The following LARP1B variants were observed in gnomAD, a reference collection of about 807,000 sequenced individuals.
LARP1B encodes the protein La ribonucleoprotein 1B, also known as la-related protein 1B.
LARP1B carries 76 observed loss-of-function variants against 114.2 expected under a neutral mutation model. The ratio of observed to expected loss-of-function variants is 0.67; its 90% CI spans 0.55 to 0.81. The LOEUF is 0.81. Among genes scored for constraint, LARP1B ranks in the 30% least tolerant of loss-of-function variants. LARP1B has a pLI of 0.00. For missense variants in LARP1B, 1,014 were observed against 1,075.8 expected, an observed-to-expected ratio of 0.94 and a Z score of 0.80; for synonymous variants, 345 against 348.0, an observed-to-expected ratio of 0.99 and a Z score of 0.10.
rs552796877 is a variant in LARP1B, at chr4:128,114,962, G to A, written c.1161+220G>A. Among the ~76,000 whole-genome samples the A allele has an allele frequency of 3.3e-5, 5 of 151,772 alleles. No homozygotes were observed. In the South Asian group the frequency reaches 1.0e-3, roughly 32 times the overall value. On this transcript the variant is annotated intron_variant, in intron 10 of 19. Transcript: ENST00000326639. ...TATTTATTTTTTTTTTTTTGAGATG[G>A]AGTCTTGCCCTATTGCCCAGGCTGG...
Position 128,077,869 on chromosome 4 carries a change from A to G in LARP1B, c.124A>G (p.Ser42Gly), listed in dbSNP as rs1045616068. The part of the protein sequence containing the change: ...KEEKVEKRSN[S>G]DSKENRETKL... Reference sequence around the variant, plus strand: ...AGAGAAGGTTGAAAAGAGAAGTAACAGTGACAGCAAAGAAAACCGGGAAAC... The same window carrying G: ...AGAGAAGGTTGAAAAGAGAAGTAACGGTGACAGCAAAGAAAACCGGGAAAC... Residue 42 changes from serine to glycine, a missense_variant, in exon 4 of 20, where the codon AGT becomes GGT. Coordinates refer to ENST00000326639, the MANE Select transcript of LARP1B (RefSeq NM_018078.4). The G allele has an allele frequency of 1.2e-6, 2 of 1,613,352 alleles. No individual in the cohort carries two copies. The highest frequency in any genetic ancestry group is 1.7e-5 in the Admixed American group (1 of 59,948).
chr4:128,145,306 A>G (rs1419225598), intron 11 of LARP1B, among the ~76,000 whole-genome samples: 1 of 152,148 alleles, frequency 6.6e-6, no homozygotes, highest in East Asian at 1.9e-4. Flanking sequence ...ATTCTGTAGC[A>G]TGGCTTCATT....
At position 128,211,023 on chromosome 4, in the gene LARP1B, T is replaced by A. The variant is rs912772077; in HGVS notation, c.*970T>A. ...TTTTGTTTAATTTTGTTTTTATAAA[T>A]GTTTTCAAGAGTTATAGCAAATTGA... On this transcript the variant is annotated 3_prime_UTR_variant, in exon 20 of 20. Coordinates refer to ENST00000326639, the MANE Select transcript of LARP1B (RefSeq NM_018078.4). 1 of 909,230 alleles carries A rather than the reference T, an allele frequency of 1.1e-6. No individual in the cohort carries two copies. The highest frequency in any genetic ancestry group is 1.2e-4 in the East Asian group (1 of 8,452). The allele number at this position is 909,230 out of a possible 1,614,324, so 56.3% of individuals were successfully genotyped here.
chr4:128,076,594 T>C (rs900259970), intron 3 of LARP1B, among the ~76,000 whole-genome samples: 1 of 152,162 alleles, frequency 6.6e-6, no homozygotes, highest in Admixed American at 6.6e-5. Context: ...AATTTTTCAT[T>C]TTTTCTTGGA....
At chr4:128,135,783 G>GAC (rs986019688) in intron 11 of LARP1B, among the ~76,000 whole-genome samples, 2 of 152,130 alleles carry the variant, frequency 1.3e-5, no homozygotes, top group Admixed American at 6.5e-5. Flanking sequence ...GAGAAACTGG[G>GAC]AAAGTGTTGC....
intron 6 of LARP1B, 90 bp downstream of exon 6, chr4:128,091,234 G>T (rs1775811282): frequency 1.3e-6 from 2 of 1,536,494 alleles, no homozygotes; most frequent in African/African-American, 1.4e-5. Flanking sequence ...AATTTTCTTT[G>T]TCTGATAATA....
chr4:128,139,069 C>T (rs954347098), intron 11 of LARP1B, among the ~76,000 whole-genome samples: 2 of 151,646 alleles, frequency 1.3e-5, no homozygotes, highest in Non-Finnish European at 2.9e-5. Flanking sequence ...ATTAATTGTA[C>T]ATAAGAAAAG....
intron 8 of LARP1B, among the ~76,000 whole-genome samples, chr4:128,101,031 C>A (rs955725893): frequency 1.3e-5 from 2 of 150,888 alleles, no homozygotes; most frequent in Non-Finnish European, 3.0e-5. Context: ...GTTGGTCAGG[C>A]TGGTCTCGAA....
At chr4:128,095,313 A>AC (rs1462905190) in intron 7 of LARP1B, among the ~76,000 whole-genome samples, 2 of 151,346 alleles carry the variant, frequency 1.3e-5, no homozygotes, top group Admixed American at 6.6e-5. Context: ...ACATAGTGAA[A>AC]CCCCGTCTCT....
At chr4:128,077,526 A>C (rs537984474) in intron 3 of LARP1B, among the ~76,000 whole-genome samples, 51 of 151,842 alleles carry the variant, frequency 3.4e-4, no homozygotes, top group Non-Finnish European at 4.0e-4. Context: ...GCAAAAAAAA[A>C]AAGTGGTATT....
rs180791153 is a variant in LARP1B at position 128,201,775 on chromosome 4, G to A, written c.2309+1110G>A. Among the ~76,000 whole-genome samples the A allele has an allele frequency of 9.2e-5, 14 of 152,314 alleles. No individual in the cohort carries two copies. In the East Asian group the frequency reaches 1.9e-3, roughly 21 times the overall value. On this transcript the variant is annotated intron_variant, in intron 17 of 19. Coordinates refer to ENST00000326639, the MANE Select transcript of LARP1B (RefSeq NM_018078.4). ...CAAAGAGGGTAAGAAGGAACATGGCGTGGACTCATGAAGGCTATTTATTCA... is the reference window on the plus strand; with the variant it reads ...CAAAGAGGGTAAGAAGGAACATGGCATGGACTCATGAAGGCTATTTATTCA...
At chr4:128,188,150 C>T (rs1377455734) in intron 15 of LARP1B, among the ~76,000 whole-genome samples, 1 of 151,678 alleles carries the variant, frequency 6.6e-6, no homozygotes, top group Non-Finnish European at 1.5e-5. Context: ...TTTCAGCTCA[C>T]TGCAACCTCC....
At position 128,162,251 on chromosome 4, in the gene LARP1B, C is replaced by T; in HGVS notation, c.1582C>T (p.Leu528=). 6.2e-7 allele frequency: 1 copy of T among 1,612,850 alleles called. No individual in the cohort carries two copies. ...CATTAGTAAAGAGCAGTTTGAAAAC[C>T]TAACACCTGAACTTCCTTTTGAGCC... is the stretch of plus-strand genomic sequence containing the variant. ...NLISKEQFEN[L]TPELPFEPNQ... The change falls in exon 12 of 20, where the codon CTA becomes TTA. Residue 528 remains leucine (L), a synonymous_variant. Coordinates refer to ENST00000326639, the MANE Select transcript of LARP1B (RefSeq NM_018078.4).
intron 9 of LARP1B, among the ~76,000 whole-genome samples, chr4:128,109,334 A>G (rs919393028): frequency 2.6e-5 from 4 of 152,190 alleles, no homozygotes; most frequent in African/African-American, 9.6e-5. Context: ...TAAAATTTTA[A>G]CAACATAACT....
At chr4:128,164,990 A>T (rs1740126658) in intron 12 of LARP1B, among the ~76,000 whole-genome samples, 1 of 152,140 alleles carries the variant, frequency 6.6e-6, no homozygotes, top group South Asian at 2.1e-4. Flanking sequence ...AAATAAAAAA[A>T]TAAAAAAGGG....
intron 15 of LARP1B, among the ~76,000 whole-genome samples, chr4:128,197,723 A>G (rs1310341198): frequency 6.6e-6 from 1 of 152,014 alleles, no homozygotes; most frequent in Non-Finnish European, 1.5e-5. Context: ...AAGAAAAAAA[A>G]CCTATTTTTT....
intron 9 of LARP1B, among the ~76,000 whole-genome samples, chr4:128,110,504 C>T (rs1480222231): frequency 2.0e-5 from 3 of 149,506 alleles, no homozygotes; most frequent in South Asian, 2.1e-4. Context: ...GGTGAAACCC[C>T]GTCTCTACTA....
Position 128,176,883 on chromosome 4 carries a change from G to A in LARP1B, c.1660G>A (p.Gly554Arg). 2 of 1,614,028 alleles carry A rather than the reference G, an allele frequency of 1.2e-6. No homozygotes were observed. Among genetic ancestry groups the A allele is most frequent in the Non-Finnish European group, 1.7e-6 (2 of 1,179,898 alleles). The change falls in exon 13 of 20, where the codon GGA becomes AGA. Residue 554 changes from glycine (G) to arginine (R), a missense_variant. Gly to Arg is a moderately radical substitution (Grantham distance 125). Transcript: ENST00000326639. ...AACTCTCTTGGCAGGAGGTGTTCAA[G>A]GAGTGCTTCACATTCCCAAGAAAGG... ...PSQSRQGGVQ[G>R]VLHIPKKDLT...
chr4:128,141,735 C>T (rs536988697), intron 11 of LARP1B, among the ~76,000 whole-genome samples: 1 of 152,074 alleles, frequency 6.6e-6, no homozygotes, highest in Non-Finnish European at 1.5e-5. Context: ...TCAGCAAGCA[C>T]GTTGTTGAGA....
Sources: gnomAD v4.1 joint callset for allele counts (sites outside exome capture counted in the v4.1 genomes callset) on GRCh38, gnomAD v4.1.1 for gene constraint, MANE v1.5 for transcripts, NCBI Gene and HGNC (gene_info 2026-07-23, HGNC 2026-07-21) for gene names.